Variants in AGTPBP1 observed in about 807,000 individuals in gnomAD.
The protein encoded by AGTPBP1 is ATP/GTP binding carboxypeptidase 1, also known as cytosolic carboxypeptidase 1.
In AGTPBP1, 70 loss-of-function variants were observed where a neutral mutation model predicts 143.9. The ratio of observed to expected loss-of-function variants is 0.49; its 90% CI spans 0.40 to 0.59. The LOEUF (loss-of-function observed/expected upper bound fraction) is 0.59. Among genes scored for constraint, AGTPBP1 ranks in the 20% least tolerant of loss-of-function variants. AGTPBP1 has a pLI of 0.00. For missense variants in AGTPBP1, 1,229 were observed against 1,464.5 expected, an observed-to-expected ratio of 0.84 and a Z score of 2.62; for synonymous variants, 463 against 500.2, an observed-to-expected ratio of 0.93 and a Z score of 0.99.
At chr9:85,784,974 C>A in the AGTPBP1 span, among the ~76,000 whole-genome samples, 1 of 152,130 alleles carries the variant, frequency 6.6e-6, no homozygotes, top group African/African-American at 2.4e-5. Flanking sequence ...CCAAGCAAAC[C>A]ATGTCTATGG....
chr9:85,765,390 A>T, the AGTPBP1 span, among the ~76,000 whole-genome samples: 1 of 152,226 alleles, frequency 6.6e-6, no homozygotes, highest in Admixed American at 6.5e-5. Flanking sequence ...CCCAATGTCC[A>T]TACTATGTCC....
At chr9:85,566,898 G>A (rs1439756539) in intron 25 of AGTPBP1, among the ~76,000 whole-genome samples, 1 of 152,164 alleles carries the variant, frequency 6.6e-6, no homozygotes, top group Non-Finnish European at 1.5e-5. Flanking sequence ...TCTGCCTAAA[G>A]CTAAAGACTT....
chr9:85,691,923 C>T (rs1002053451), intron 3 of AGTPBP1, among the ~76,000 whole-genome samples: 1 of 152,078 alleles, frequency 6.6e-6, no homozygotes, highest in East Asian at 1.9e-4. Context: ...TTACATGCTT[C>T]TCATGTAAAT....
intron 2 of AGTPBP1, among the ~76,000 whole-genome samples, chr9:85,703,253 A>G (rs1836785586): frequency 6.6e-6 from 1 of 152,182 alleles, no homozygotes; most frequent in Non-Finnish European, 1.5e-5. Context: ...CCAGGAAGAG[A>G]TGGGGAAGAC....
chr9:85,631,052 C>A (rs987304090), intron 14 of AGTPBP1, among the ~76,000 whole-genome samples: 1 of 152,200 alleles, frequency 6.6e-6, no homozygotes, highest in Non-Finnish European at 1.5e-5. Flanking sequence ...TGATCTGGGT[C>A]AATCACTTGT....
chr9:85,579,134 A>AGTTTTTAATTTTAAAT lies in AGTPBP1; in HGVS notation c.3166-54_3166-39dup, dbSNP rs1414596760. 3 of 1,545,270 alleles carry AGTTTTTAATTTTAAAT rather than the reference A, an allele frequency of 1.9e-6. No homozygotes were observed. In the African/African-American group the frequency reaches 4.3e-5, roughly 22 times the overall value. ...AGAATGATGATGATAAAATAAACCA[A>AGTTTTTAATTTTAAAT]GTTTTTAATTTTAAATGTTTTTAAT... On this transcript the variant is annotated intron_variant, in intron 23 of 25. Transcript: ENST00000357081.
the AGTPBP1 span, among the ~76,000 whole-genome samples, chr9:85,790,539 G>A: frequency 6.6e-6 from 1 of 152,072 alleles, no homozygotes; most frequent in Admixed American, 6.6e-5. Flanking sequence ...GAGGTAATTA[G>A]AACAAAGGAA....
At chr9:85,653,952 A>C (rs1217041334) in intron 11 of AGTPBP1, among the ~76,000 whole-genome samples, 7 of 152,224 alleles carry the variant, frequency 4.6e-5, no homozygotes, top group Admixed American at 4.6e-4. Context: ...TAGACTTTTC[A>C]ACATTTTAAA....
chr9:85,570,129 AG>A (rs763587539), intron 25 of AGTPBP1, among the ~76,000 whole-genome samples: 7 of 152,166 alleles, frequency 4.6e-5, no homozygotes, highest in Non-Finnish European at 5.9e-5. Context: ...TAAGTGACTA[AG>A]GGGTAAAGGG....
chr9:85,748,161 A>C, the AGTPBP1 span, among the ~76,000 whole-genome samples: 1 of 152,158 alleles, frequency 6.6e-6, no homozygotes, highest in Non-Finnish European at 1.5e-5. Context: ...TGAGAAGTTC[A>C]CTAGTGCTCT....
intron 2 of AGTPBP1, among the ~76,000 whole-genome samples, chr9:85,706,792 C>T (rs1486315581): frequency 3.3e-5 from 5 of 152,090 alleles, no homozygotes; most frequent in African/African-American, 1.2e-4. Context: ...AGGAGAATGG[C>T]GTAAACCCGG....
intron 22 of AGTPBP1, among the ~76,000 whole-genome samples, 176 bp downstream of exon 22, chr9:85,586,655 A>G (rs1828629764): frequency 1.3e-5 from 2 of 152,202 alleles, no homozygotes; most frequent in African/African-American, 4.8e-5. Flanking sequence ...CAATATTCAT[A>G]ACGAAAAAGG....
the AGTPBP1 span, among the ~76,000 whole-genome samples, chr9:85,758,247 A>G: frequency 4.6e-5 from 7 of 152,234 alleles, no homozygotes; most frequent in Non-Finnish European, 8.8e-5. Flanking sequence ...AAGAAGCTGA[A>G]AAAACTTCAC....
At position 85,622,692 on chromosome 9, in the gene AGTPBP1, G is replaced by GT. The variant is rs1202862210; in HGVS notation, c.2016-1408dup. Among the ~76,000 whole-genome samples, 6 of 152,120 alleles carry GT rather than the reference G, an allele frequency of 3.9e-5. 1 individual carries two copies. Among genetic ancestry groups the GT allele is most frequent in the Admixed American group, 3.9e-4 (6 of 15,270 alleles). Reference sequence around the variant, plus strand: ...AAAAATTAAGCTACACATTCTTGATGTAAGTTTAATGTCATAACTTTAAAA... The same window carrying GT: ...AAAAATTAAGCTACACATTCTTGATGTTAAGTTTAATGTCATAACTTTAAAA... On this transcript the variant is annotated intron_variant, in intron 14 of 25. Coordinates refer to ENST00000357081, the MANE Select transcript of AGTPBP1 (RefSeq NM_001330701.2).
At chr9:85,657,690 G>T in intron 9 of AGTPBP1, 47 bp from the exon 10 acceptor site, 1 of 1,402,550 alleles carries the variant, frequency 7.1e-7, no homozygotes. Context: ...AATGACGAGA[G>T]TGAGTGGTAG....
At chr9:85,767,009 CT>C in the AGTPBP1 span, among the ~76,000 whole-genome samples, 16,822 of 128,516 alleles carry the variant, frequency 0.13, 2,053 homozygotes, top group African/African-American at 0.36. Context: ...GGTCACACCG[CT>C]TTTTTTTTTT....
intron 2 of AGTPBP1, among the ~76,000 whole-genome samples, chr9:85,708,525 T>G (rs999277253): frequency 1.3e-5 from 2 of 152,158 alleles, no homozygotes; most frequent in African/African-American, 4.8e-5. Flanking sequence ...GAAAGTGAAT[T>G]TATACTTTAT....
At chr9:85,666,172 G>A (rs1834120925) in intron 8 of AGTPBP1, among the ~76,000 whole-genome samples, 2 of 152,120 alleles carry the variant, frequency 1.3e-5, no homozygotes, top group Non-Finnish European at 2.9e-5. Context: ...TACTAATGAA[G>A]TGACATCTAC....
At chr9:85,564,827 G>A (rs927566759) in intron 25 of AGTPBP1, among the ~76,000 whole-genome samples, 2 of 152,178 alleles carry the variant, frequency 1.3e-5, no homozygotes, top group African/African-American at 2.4e-5. Flanking sequence ...TGAGTCTTTG[G>A]ACTTTAAACT....
Sources: gnomAD v4.1 joint callset for allele counts (sites outside exome capture counted in the v4.1 genomes callset) on GRCh38, gnomAD v4.1.1 for gene constraint, MANE v1.5 for transcripts, NCBI Gene and HGNC (gene_info 2026-07-23, HGNC 2026-07-21) for gene names.